Variants in AATK observed in about 807,000 individuals in gnomAD.
The protein encoded by AATK is serine/threonine-protein kinase LMTK1.
A neutral mutation model predicts 114.3 loss-of-function variants in AATK; 91 were observed. That is an observed-to-expected ratio of 0.80 (90% CI 0.67 to 0.95). AATK has a LOEUF of 0.95. AATK is among the 40% of genes least tolerant of loss of function. The pLI is 0.00. For missense variants in AATK, 2,176 were observed against 1,965.2 expected, an observed-to-expected ratio of 1.11 and a Z score of -2.03; for synonymous variants, 1,075 against 916.5, an observed-to-expected ratio of 1.17 and a Z score of -3.12.
intron 1 of AATK, among the ~76,000 whole-genome samples, chr17:81,158,994 C>T: frequency 6.6e-6 from 1 of 152,184 alleles, no homozygotes; most frequent in Non-Finnish European, 1.5e-5. Flanking sequence ...CAGGACCCTG[C>T]TTATGAGACA....
chr17:81,119,226 G>A (rs1439319286), intron 13 of AATK, among the ~76,000 whole-genome samples, 154 bp downstream of exon 13: 3 of 123,612 alleles, frequency 2.4e-5, no homozygotes, highest in South Asian at 2.8e-4. Context: ...TCCAGGCTAG[G>A]TCTGGGGCCG....
chr17:81,158,633 C>T (rs1202647493), intron 1 of AATK, among the ~76,000 whole-genome samples: 4 of 152,292 alleles, frequency 2.6e-5, no homozygotes, highest in South Asian at 2.1e-4. Flanking sequence ...CAGGGCTGCC[C>T]GACACCAGGT....
Position 81,121,487 on chromosome 17 carries a change from G to T in AATK, c.2449C>A (p.Pro817Thr), listed in dbSNP as rs369551380. ...APLPSEEASA[P>T]DAPDALPDSP... ...TCAGGCAGGGCATCAGGGGCGTCGG[G>T]GGCACTGGCCTCCTCCGAGGGAAGT... Residue 817 changes from proline (P) to threonine (T), a missense_variant, in exon 11 of 14, where the codon CCC becomes ACC. Coordinates refer to ENST00000326724, the MANE Select transcript of AATK (RefSeq NM_001080395.3). 1.9e-5 allele frequency: 30 copies of T among 1,567,602 alleles called. No homozygotes were observed. Among genetic ancestry groups the T allele is most frequent in the Non-Finnish European group, 2.6e-5 (30 of 1,155,246 alleles).
rs1389315996 is a variant in AATK, at chr17:81,124,737, C to T, written c.952G>A (p.Gly318Arg). Residue 318 changes from glycine (G) to arginine (R), a missense_variant, in exon 9 of 14, where the codon GGG becomes AGG. Physicochemically the swap from Gly to Arg is moderately radical, Grantham distance 125. This residue lies in a region of AATK where 273 missense variants were observed against 344.1 expected (regional missense o/e 0.79). Transcript: ENST00000326724. ...NLLVVDQTKS[G>R]NVWSLGVTIW... ...CAGGGCCGCACTCACCACACATTCC[C>T]GCTCTTGGTCTGGTCCACGACGAGC... The T allele has an allele frequency of 3.1e-6, 5 of 1,612,666 alleles. No homozygotes were observed. Among genetic ancestry groups the T allele is most frequent in the African/African-American group, 2.7e-5 (2 of 74,952 alleles).
intron 2 of AATK, chr17:81,131,939 A>C: frequency 7.4e-7 from 1 of 1,343,580 alleles, no homozygotes; most frequent in South Asian, 1.2e-5. Flanking sequence ...TTGGACCTTC[A>C]CCTGGTGGCC....
intron 1 of AATK, among the ~76,000 whole-genome samples, chr17:81,161,445 A>C (rs2061428861): frequency 6.6e-6 from 1 of 152,150 alleles, no homozygotes; most frequent in African/African-American, 2.4e-5. Context: ...CAAAGACCCT[A>C]GTTCTAAATA....
intron 1 of AATK, among the ~76,000 whole-genome samples, chr17:81,162,641 G>A (rs2061440111): frequency 6.6e-6 from 1 of 152,114 alleles, no homozygotes; most frequent in Non-Finnish European, 1.5e-5. Context: ...CCATCAATAG[G>A]CTCATCCTGA....
chr17:81,146,802 C>T (rs912957276), intron 1 of AATK, among the ~76,000 whole-genome samples: 2 of 151,680 alleles, frequency 1.3e-5, no homozygotes, highest in African/African-American at 4.8e-5. Context: ...AAAATTATAA[C>T]ATGTCCAGTT....
In AATK at chr17:81,120,664, G is replaced by C; in HGVS notation, c.3272C>G (p.Pro1091Arg). Residue 1091 changes from proline to arginine, a missense_variant, in exon 11 of 14, where the codon CCT (proline) becomes CGT (arginine). Coordinates refer to ENST00000326724, the MANE Select transcript of AATK (RefSeq NM_001080395.3). The part of the protein sequence containing the change: ...PEPQGPAKVR[P>R]GPSPSCSQFF... Reference sequence around the variant, plus strand: ...CTGGGAGCAGCTGGGGCTGGGCCCAGGCCGCACCTTGGCTGGGCCTTGGGG... The same window carrying C: ...CTGGGAGCAGCTGGGGCTGGGCCCACGCCGCACCTTGGCTGGGCCTTGGGG... 6.6e-7 allele frequency: 1 copy of C among 1,520,868 alleles called. No individual in the cohort carries two copies. The highest frequency in any genetic ancestry group is 1.3e-5 in the South Asian group (1 of 76,766). 94.2% of individuals were successfully genotyped at this position (1,520,868 alleles called of 1,614,324 possible).
chr17:81,136,499 T>C (rs1490939716), intron 1 of AATK, among the ~76,000 whole-genome samples: 2 of 151,610 alleles, frequency 1.3e-5, no homozygotes, highest in Non-Finnish European at 2.9e-5. Flanking sequence ...CCTTCCCACC[T>C]CCAGGACCCC....
intron 2 of AATK, chr17:81,133,135 C>T (rs934350280): frequency 1.1e-5 from 5 of 446,616 alleles, no homozygotes; most frequent in Non-Finnish European, 4.5e-6. Flanking sequence ...GGAGTGCAGA[C>T]CCCACAGCCT....
At position 81,124,924 on chromosome 17, in the gene AATK, A is replaced by G; in HGVS notation, c.840+6T>C. On this transcript the variant is annotated splice_donor_region_variant and intron_variant, in intron 8 of 13. Transcript: ENST00000326724. ...TGCCCAGCCCAGCCCACCCCACCCCACTCACTCTGTACTTGCAGTGAGCCA... is the reference window on the plus strand; with the variant it reads ...TGCCCAGCCCAGCCCACCCCACCCCGCTCACTCTGTACTTGCAGTGAGCCA... 2.3e-6 allele frequency: 2 copies of G among 860,272 alleles called. No individual in the cohort carries two copies. Among genetic ancestry groups the G allele is most frequent in the Non-Finnish European group, 3.9e-6 (2 of 519,216 alleles). 53.3% of individuals were successfully genotyped at this position (860,272 alleles called of 1,614,324 possible). A position where few individuals can be genotyped will look rare whatever the true frequency, so the allele number is the denominator to read the frequency against.
intron 13 of AATK, 65 bp from the exon 14 acceptor site, chr17:81,118,507 TC>T: frequency 6.5e-7 from 1 of 1,543,754 alleles, no homozygotes; most frequent in Non-Finnish European, 8.8e-7. Flanking sequence ...CCCCCGCAAC[TC>T]CCACCTGGCC....
In AATK at chr17:81,122,187, G is replaced by C. The variant is rs772110351; in HGVS notation, c.1749C>G (p.Pro583=). Reference sequence around the variant, plus strand: ...CGCCGCGGCCCCAGGGGACGTCGACGGGTGGCCCGTGGCCCAGCAGCGGCT... The same window carrying C: ...CGCCGCGGCCCCAGGGGACGTCGACCGGTGGCCCGTGGCCCAGCAGCGGCT... ...AMEPLLGHGP[P]VDVPWGRGDH... The change falls in exon 11 of 14, where the codon CCC becomes CCG. Residue 583 remains proline, a synonymous_variant. Transcript: ENST00000326724. The C allele has an allele frequency of 1.3e-5, 19 of 1,508,424 alleles. No individual in the cohort carries two copies. The highest frequency in any genetic ancestry group is 8.6e-5 in the South Asian group (7 of 81,684). 93.4% of individuals were successfully genotyped at this position (1,508,424 alleles called of 1,614,324 possible).
At chr17:81,137,153 G>C (rs1184432121) in intron 1 of AATK, among the ~76,000 whole-genome samples, 1 of 152,008 alleles carries the variant, frequency 6.6e-6, no homozygotes, top group East Asian at 1.9e-4. Flanking sequence ...AGCCACACAG[G>C]AGGCTGACAC....
chr17:81,148,200 C>A (rs188550991), intron 1 of AATK, among the ~76,000 whole-genome samples: 1 of 152,274 alleles, frequency 6.6e-6, no homozygotes, highest in East Asian at 1.9e-4. Context: ...AACAAGCATG[C>A]ACTGCATTTA....
chr17:81,123,436 G>A (rs111867066), intron 9 of AATK, 93 bp from the exon 10 acceptor site: 38 of 1,163,230 alleles, frequency 3.3e-5, no homozygotes, highest in African/African-American at 1.6e-4. Context: ...GGCAGCTCCC[G>A]CCATCACGCC....
In AATK at chr17:81,160,396, C is replaced by T. The variant is rs368087769; in HGVS notation, c.55+5542G>A. 2.0e-3 allele frequency: 494 copies of T among 248,744 alleles called. 3 individuals are homozygous for T. Among genetic ancestry groups the T allele is most frequent in the African/African-American group, 0.01 (447 of 43,302 alleles). The allele number at this position is 248,744 out of a possible 1,614,324, so 15.4% of individuals were successfully genotyped here. ...GAGGCTGGAGACCCGGCGAGGACGC[C>T]GCCTCCCGTGACAGTTCTCAGAGGT... On this transcript the variant is annotated intron_variant, in intron 1 of 13. Transcript: ENST00000326724.
chr17:81,127,700 T>TGGGAGGAGGTGGGGAGG (rs1472391323), intron 5 of AATK, 30 bp from the exon 6 acceptor site: 1 of 1,491,836 alleles, frequency 6.7e-7, no homozygotes, highest in East Asian at 2.6e-5. Context: ...GCCCCTGACT[T>TGGGAGGAGGTGGGGAGG]GGGAGGAGGT....
Sources: allele counts gnomAD v4.1 joint callset (sites outside exome capture counted in the v4.1 genomes callset), GRCh38; gene constraint gnomAD v4.1.1; regional missense constraint gnomAD v4.1.1; transcripts MANE v1.5; gene names NCBI Gene and HGNC (gene_info 2026-07-23, HGNC 2026-07-21).